The following DAZL variants were observed in gnomAD, a reference collection of about 807,000 sequenced individuals.
The protein encoded by DAZL is deleted in azoospermia like, also known as deleted in azoospermia-like.
In DAZL, 4 loss-of-function variants were observed where a neutral mutation model predicts 45.0. That is an observed-to-expected ratio of 0.09 (90% CI 0.04 to 0.20). DAZL has a LOEUF of 0.20. Ranked by LOEUF, DAZL falls within the 10% of genes least tolerant of loss-of-function variation. DAZL has a pLI of 1.00. For missense variants in DAZL, 326 were observed against 351.3 expected, an observed-to-expected ratio of 0.93 and a Z score of 0.58; for synonymous variants, 122 against 112.4, an observed-to-expected ratio of 1.09 and a Z score of -0.54.
intron 1 of DAZL, among the ~76,000 whole-genome samples, chr3:16,600,589 TC>T (rs1304312488): frequency 1.3e-5 from 2 of 152,132 alleles, no homozygotes; most frequent in African/African-American, 2.4e-5. Flanking sequence ...TGATTAGATT[TC>T]CCCCCTACAG....
intron 6 of DAZL, 122 bp downstream of exon 6, chr3:16,596,628 C>T: frequency 9.5e-7 from 1 of 1,055,178 alleles, no homozygotes; most frequent in Admixed American, 2.0e-5. Context: ...AATAAATTTC[C>T]CATCACTCAA....
chr3:16,594,489 A>G, intron 8 of DAZL, 44 bp downstream of exon 8: 1 of 1,414,486 alleles, frequency 7.1e-7, no homozygotes, highest in Non-Finnish European at 9.7e-7. Flanking sequence ...AAAAAAAAAT[A>G]CTTTAAAATA....
At chr3:16,595,180 A>G in intron 7 of DAZL, 134 bp downstream of exon 7, 1 of 535,940 alleles carries the variant, frequency 1.9e-6, no homozygotes, top group Non-Finnish European at 3.3e-6. Context: ...TCTTAATTCT[A>G]GACTAATTTT....
chr3:16,593,814 T>C (rs1694557548), intron 8 of DAZL, 46 bp from the exon 9 acceptor site: 20 of 1,250,638 alleles, frequency 1.6e-5, no homozygotes, highest in Non-Finnish European at 2.1e-5. Context: ...TATACAGATA[T>C]ATTTAAAAGC....
chr3:16,599,080 G>T (rs1296670019), intron 1 of DAZL, among the ~76,000 whole-genome samples: 1 of 152,082 alleles, frequency 6.6e-6, no homozygotes, highest in African/African-American at 2.4e-5. Flanking sequence ...ACCACGCGCA[G>T]CCAGGATACA....
intron 1 of DAZL, chr3:16,604,378 G>A (rs1694740845): frequency 1.0e-5 from 14 of 1,396,562 alleles, no homozygotes; most frequent in South Asian, 5.0e-5. Context: ...TATCGAGAGG[G>A]AAAAAACCGT....
Position 16,596,860 on chromosome 3 carries a change from C to T in DAZL, c.388G>A (p.Val130Ile). 1.2e-6 allele frequency: 2 copies of T among 1,613,816 alleles called. No homozygotes were observed. Among genetic ancestry groups the T allele is most frequent in the South Asian group, 2.2e-5 (2 of 91,076 alleles). ...TGTGGTGGAGGAGGATGATTAAAAA[C>T]CAAAGGACGTGGCTGCACATGATAA... ...CAYHVQPRPL[V>I]FNHPPPPQFQ... Residue 130 changes from valine to isoleucine, a missense_variant, in exon 6 of 11, where the codon GTT (valine) becomes ATT (isoleucine). Transcript: ENST00000399444.
chr3:16,597,491 TCTA>T lies in DAZL; in HGVS notation c.290_292del (p.Val97del), dbSNP rs1694618873. 6.5e-7 allele frequency: 1 copy of T among 1,528,072 alleles called. No homozygotes were observed. The highest frequency in any genetic ancestry group is 9.1e-7 in the Non-Finnish European group (1 of 1,102,094). The allele number at this position is 1,528,072 out of a possible 1,614,324, so 94.7% of individuals were successfully genotyped here. A position where few individuals can be genotyped will look rare whatever the true frequency, so the allele number is the denominator to read the frequency against. ...AGATTTTTCTATTAGATTACTTACT[TCTA>T]CTATCTTCTGCACATCCACGTCATT... On this transcript the variant is annotated inframe_deletion and splice_region_variant, in exon 4 of 11. Transcript: ENST00000399444.
At chr3:16,592,014 G>A (rs750281126) in intron 10 of DAZL, 36 bp downstream of exon 10, 1 of 1,586,418 alleles carries the variant, frequency 6.3e-7, no homozygotes, top group South Asian at 1.1e-5. Context: ...GCTAACAAGT[G>A]TGCTTTTTAA....
At position 16,605,337 on chromosome 3, in the gene DAZL, A is replaced by T; in HGVS notation, c.-132T>A. ...CTTCGAGTGGTCAAAGGAGCCAAAG[A>T]TGAAGAGAAAAGGAAAACCAAGAGC... On this transcript the variant is annotated 5_prime_UTR_variant, in exon 1 of 11. Coordinates refer to ENST00000399444, the MANE Select transcript of DAZL (RefSeq NM_001351.4). 8.7e-7 allele frequency: 1 copy of T among 1,143,530 alleles called. No homozygotes were observed. Among genetic ancestry groups the T allele is most frequent in the Non-Finnish European group, 1.3e-6 (1 of 753,540 alleles). The allele number at this position is 1,143,530 out of a possible 1,614,324, so 70.8% of individuals were successfully genotyped here.
chr3:16,599,492 C>T (rs967132241), intron 1 of DAZL, among the ~76,000 whole-genome samples: 1 of 152,156 alleles, frequency 6.6e-6, no homozygotes, highest in African/African-American at 2.4e-5. Context: ...CATGTCACAG[C>T]TCCTTCTAAA....
chr3:16,595,346 T>A lies in DAZL; in HGVS notation c.538A>T (p.Thr180Ser). 6.3e-7 allele frequency: 1 copy of A among 1,579,486 alleles called. No homozygotes were observed. The highest frequency in any genetic ancestry group is 8.6e-7 in the Non-Finnish European group (1 of 1,159,072). Residue 180 changes from threonine to serine, a missense_variant, in exon 7 of 11, where the codon ACT becomes TCT. By Grantham distance (58) the Thr-to-Ser change is moderately conservative. This residue lies in a region of DAZL where 227 missense variants were observed against 216.6 expected (regional missense o/e 1.05). Coordinates refer to ENST00000399444, the MANE Select transcript of DAZL (RefSeq NM_001351.4). ...TYPNSPVQVI[T>S]GYQLPVYNYQ... is the part of the protein sequence containing the mutation. ...TTATATACAGGCAACTGATATCCAGTGATGACCTGAACTGGTGAATTTGGG... is the reference window on the plus strand; with the variant it reads ...TTATATACAGGCAACTGATATCCAGAGATGACCTGAACTGGTGAATTTGGG...
intron 4 of DAZL, 99 bp from the exon 5 acceptor site, chr3:16,597,150 A>G (rs764733430): frequency 3.2e-5 from 43 of 1,348,170 alleles, no homozygotes; most frequent in Non-Finnish European, 4.4e-5. Flanking sequence ...CTATTATCAT[A>G]GAAGATCAGT....
chr3:16,593,580 T>C (rs544179524), intron 9 of DAZL, 75 bp downstream of exon 9: 14 of 963,120 alleles, frequency 1.5e-5, no homozygotes, highest in Middle Eastern at 3.1e-4. Context: ...TGAAGGATGA[T>C]TGCTTCTCAA....
At chr3:16,590,763 A>G (rs2125043563) in intron 10 of DAZL, among the ~76,000 whole-genome samples, 1 of 152,326 alleles carries the variant, frequency 6.6e-6, no homozygotes, top group East Asian at 1.9e-4. Context: ...CGGTCACAAA[A>G]GGCCACATTA....
At position 16,596,736 on chromosome 3, in the gene DAZL, T is replaced by C; in HGVS notation, c.498+14A>G. 6.2e-7 allele frequency: 1 copy of C among 1,613,278 alleles called. No homozygotes were observed. The highest frequency in any genetic ancestry group is 8.5e-7 in the Non-Finnish European group (1 of 1,179,352). On this transcript the variant is annotated intron_variant, in intron 6 of 10. Coordinates refer to ENST00000399444, the MANE Select transcript of DAZL (RefSeq NM_001351.4). The stretch of plus-strand genomic sequence containing the variant: ...ACAATAAACAAGAGAATAGGAACGT[T>C]AAGCAATTCTTACCTGAACATACTG...
At chr3:16,601,964 TA>T (rs1694696524) in intron 1 of DAZL, among the ~76,000 whole-genome samples, 1 of 152,198 alleles carries the variant, frequency 6.6e-6, no homozygotes, top group African/African-American at 2.4e-5. Flanking sequence ...GAGATTTATA[TA>T]AACTGACCAG....
rs1694470561 is a variant in DAZL, at chr3:16,588,423, GTTTC to G, written c.*233_*236del. On this transcript the variant is annotated 3_prime_UTR_variant, in exon 11 of 11. Transcript: ENST00000399444. ...AAAAAATCCTTGCAGATAAATCTTA[GTTTC>G]TTTCAGTCTCAATTATTTTTTTACT... 5 of 351,276 alleles carry G rather than the reference GTTTC, an allele frequency of 1.4e-5. No individual in the cohort carries two copies. Among genetic ancestry groups the G allele is most frequent in the East Asian group, 4.7e-5 (1 of 21,080 alleles). 21.8% of individuals were successfully genotyped at this position (351,276 alleles called of 1,614,324 possible).
chr3:16,604,863 G>A, intron 1 of DAZL: 1 of 673,354 alleles, frequency 1.5e-6, no homozygotes, highest in Non-Finnish European at 2.4e-6. Context: ...CGGGGGTGGG[G>A]AACCCGCACC....
Sources: gnomAD v4.1 joint callset for allele counts (sites outside exome capture counted in the v4.1 genomes callset) on GRCh38, gnomAD v4.1.1 for gene constraint, gnomAD v4.1.1 regional missense constraint, MANE v1.5 for transcripts, NCBI Gene and HGNC (gene_info 2026-07-23, HGNC 2026-07-21) for gene names.